The following SCN3A variants were observed in gnomAD, a reference collection of about 807,000 sequenced individuals.
The protein encoded by SCN3A is sodium channel protein type 3 subunit alpha.
SCN3A carries 60 observed loss-of-function variants against 187.6 expected under a neutral mutation model. That is an observed-to-expected ratio of 0.32 (90% CI 0.26 to 0.40). The LOEUF is 0.40. SCN3A is among the 10% of genes least tolerant of loss of function. SCN3A has a pLI of 1.00. For synonymous variants in SCN3A, 788 were observed against 829.2 expected (o/e 0.95, Z 0.85); for missense variants, 1,601 against 2,428.2 (o/e 0.66, Z 7.16).
At chr2:165,108,275 A>G (rs939497061) in intron 21 of SCN3A, among the ~76,000 whole-genome samples, 5 of 152,130 alleles carry the variant, frequency 3.3e-5, no homozygotes, top group African/African-American at 7.2e-5. Context: ...CAATATGTCA[A>G]TAATAAATGT....
intron 15 of SCN3A, among the ~76,000 whole-genome samples, chr2:165,135,803 A>G (rs2105793263): frequency 6.6e-6 from 1 of 152,266 alleles, no homozygotes; most frequent in Non-Finnish European, 1.5e-5. Flanking sequence ...GTCAGTTTAC[A>G]TATTCTCCTA....
chr2:165,153,678 A>T (rs910692784), intron 11 of SCN3A, among the ~76,000 whole-genome samples: 1 of 152,146 alleles, frequency 6.6e-6, no homozygotes, highest in Non-Finnish European at 1.5e-5. Context: ...CAGAAATGAG[A>T]TACTTATTAG....
intron 17 of SCN3A, among the ~76,000 whole-genome samples, chr2:165,128,802 A>ATGTG (rs34565727): frequency 6.6e-6 from 1 of 151,200 alleles, no homozygotes; most frequent in African/African-American, 2.4e-5. Flanking sequence ...CTTTGTGTGT[A>ATGTG]TGTGTGTGTG....
intron 17 of SCN3A, 58 bp from the exon 18 acceptor site, chr2:165,128,159 G>A (rs1394527653): frequency 2.0e-5 from 26 of 1,298,398 alleles, no homozygotes; most frequent in Non-Finnish European, 2.2e-5. Flanking sequence ...TTAAATAACA[G>A]CCTAAAAAGG....
chr2:165,113,797 C>T lies in SCN3A; in HGVS notation c.3669+19G>A, dbSNP rs747361771. 6.2e-7 allele frequency: 1 copy of T among 1,612,010 alleles called. No individual in the cohort carries two copies. The highest frequency in any genetic ancestry group is 1.7e-5 in the Admixed American group (1 of 59,994). On this transcript the variant is annotated intron_variant, in intron 20 of 27. Transcript: ENST00000283254. ...TATTTCACCAGAATCTGATTCTTGC[C>T]AATATGCATTTCACTTACCAATGCA...
Position 165,203,935 on chromosome 2 carries a change from T to G in SCN3A, c.-360A>C, listed in dbSNP as rs1452774868. On this transcript the variant is annotated 5_prime_UTR_variant, in exon 1 of 28. Coordinates refer to ENST00000283254, the MANE Select transcript of SCN3A (RefSeq NM_006922.4). ...TTCAGCTTTTTTTTTTTTTTTTTTT[T>G]TTGACCACAGAGGTTTACAAATTAG... The G allele has an allele frequency of 4.0e-5, 6 of 150,350 alleles. No individual in the cohort carries two copies. Among genetic ancestry groups the G allele is most frequent in the Admixed American group, 4.0e-4 (6 of 15,058 alleles). 9.3% of individuals were successfully genotyped at this position (150,350 alleles called of 1,614,324 possible). A position where few individuals can be genotyped will look rare whatever the true frequency, so the allele number is the denominator to read the frequency against.
rs146137353 is a variant in SCN3A, at chr2:165,113,250, A to G, written c.3670-192T>C. On this transcript the variant is annotated intron_variant, in intron 20 of 27. Transcript: ENST00000283254. ...GCTGGCAGGGAAACGTCATGCCTTT[A>G]GTGATTTAGAATGTGCTTTCTTTCC... Among the ~76,000 whole-genome samples, 953 of 152,288 alleles carry G rather than the reference A, an allele frequency of 6.3e-3. 17 individuals are homozygous for G. Among genetic ancestry groups the G allele is most frequent in the African/African-American group, 0.021 (858 of 41,570 alleles).
chr2:165,185,413 G>C (rs182387426), intron 2 of SCN3A, among the ~76,000 whole-genome samples: 15 of 152,278 alleles, frequency 9.9e-5, no homozygotes, highest in African/African-American at 3.6e-4. Context: ...GCCAAGGAAA[G>C]GTGAGGGGAC....
At chr2:165,172,829 A>C (rs1294948931) in intron 3 of SCN3A, among the ~76,000 whole-genome samples, 1 of 152,176 alleles carries the variant, frequency 6.6e-6, no homozygotes. Context: ...AGGCCTTAAG[A>C]CTACAATCCC....
chr2:165,106,272 C>A (rs1013062627), intron 21 of SCN3A, among the ~76,000 whole-genome samples: 13 of 152,094 alleles, frequency 8.5e-5, no homozygotes, highest in African/African-American at 2.4e-4. Context: ...AAGTTTATTT[C>A]TTTGTCTGGA....
chr2:165,174,157 C>T (rs1355087721), intron 3 of SCN3A, among the ~76,000 whole-genome samples: 1 of 152,204 alleles, frequency 6.6e-6, no homozygotes, highest in Non-Finnish European at 1.5e-5. Context: ...AATCCTCCTG[C>T]CTTGGCCTCT....
Position 165,126,624 on chromosome 2 carries a change from C to T in SCN3A, c.3393+1007G>A, listed in dbSNP as rs535754433. On this transcript the variant is annotated intron_variant, in intron 18 of 27. Transcript: ENST00000283254. ...CGTTCCTTCCTTCCTTCATTCCTTC[C>T]GTCCTTCCTCCCTCTTCTCCTTTCC... is the stretch of plus-strand genomic sequence containing the variant. 6.1e-5 allele frequency among the ~76,000 whole-genome samples: 8 copies of T among 130,518 alleles called. No individual in the cohort carries two copies. In the South Asian group the frequency reaches 2.4e-3, roughly 40 times the overall value. The allele number at this position is 130,518 out of a possible 152,430, so 85.6% of individuals were successfully genotyped here. A position where few individuals can be genotyped will look rare whatever the true frequency, so the allele number is the denominator to read the frequency against.
At chr2:165,118,196 G>A (rs1686467356) in intron 18 of SCN3A, among the ~76,000 whole-genome samples, 1 of 151,984 alleles carries the variant, frequency 6.6e-6, no homozygotes, top group African/African-American at 2.4e-5. Flanking sequence ...AAGATAGAGA[G>A]GGACAGTGAT....
intron 18 of SCN3A, chr2:165,123,000 CTA>C (rs1435066937): frequency 1.3e-5 from 2 of 152,070 alleles, no homozygotes; most frequent in Non-Finnish European, 2.9e-5. Context: ...AGCATTTATT[CTA>C]TATCCTTCAC....
intron 9 of SCN3A, among the ~76,000 whole-genome samples, chr2:165,160,275 TA>T (rs1559245725): frequency 6.6e-6 from 1 of 152,196 alleles, no homozygotes; most frequent in Non-Finnish European, 1.5e-5. Context: ...TGGTGACTTG[TA>T]CAATTATTTC....
chr2:165,093,041 CCT>C (rs1685191092), intron 26 of SCN3A: 1 of 152,802 alleles, frequency 6.5e-6, no homozygotes, highest in South Asian at 2.1e-4. Context: ...AGAGTGAGAC[CCT>C]GTCTCTTAAA....
chr2:165,158,654 C>T (rs1689200234), intron 9 of SCN3A, among the ~76,000 whole-genome samples: 1 of 137,922 alleles, frequency 7.3e-6, no homozygotes, highest in South Asian at 2.2e-4. Flanking sequence ...TGAAATCATA[C>T]AGTATGTAGC....
intron 18 of SCN3A, among the ~76,000 whole-genome samples, chr2:165,125,178 C>T (rs1297682829): frequency 1.3e-5 from 2 of 152,122 alleles, no homozygotes; most frequent in Non-Finnish European, 2.9e-5. Flanking sequence ...TAAGCTTCAG[C>T]ATTTTGCTTT....
intron 11 of SCN3A, 132 bp downstream of exon 11, chr2:165,154,320 C>CT (rs537675926): frequency 3.0e-5 from 30 of 1,008,256 alleles, no homozygotes; most frequent in Non-Finnish European, 3.4e-5. Context: ...TATTTGAATA[C>CT]TTTTTTTTCT....
Sources: allele counts gnomAD v4.1 joint callset (sites outside exome capture counted in the v4.1 genomes callset), GRCh38; gene constraint gnomAD v4.1.1; transcripts MANE v1.5; gene names NCBI Gene and HGNC (gene_info 2026-07-23, HGNC 2026-07-21).